The following DENND6B variants were observed in gnomAD, a reference collection of about 807,000 sequenced individuals.
DENND6B encodes the protein DENN domain containing 6B.
In DENND6B, 73 loss-of-function variants were observed where a neutral mutation model predicts 85.1. The ratio of observed to expected loss-of-function variants is 0.86; its 90% CI spans 0.71 to 1.04. DENND6B has a LOEUF of 1.04. Among genes scored for constraint, DENND6B ranks in the 50% least tolerant of loss-of-function variants. The probability of loss-of-function intolerance (pLI) is 0.00; values close to 1 mark genes in which losing one functional copy is unlikely to be tolerated. For synonymous variants in DENND6B, 357 were observed against 329.3 expected (o/e 1.08, Z -0.91); for missense variants, 715 against 785.8 (o/e 0.91, Z 1.08).
chr22:50,325,321 A>T (rs2042159922), intron 1 of DENND6B, among the ~76,000 whole-genome samples: 1 of 151,294 alleles, frequency 6.6e-6, no homozygotes, highest in Admixed American at 6.6e-5. Flanking sequence ...GTCTTAAGGA[A>T]CAGAGGAACC....
intron 9 of DENND6B, 106 bp from the exon 10 acceptor site, chr22:50,315,027 A>T: frequency 1.4e-6 from 2 of 1,475,922 alleles, no homozygotes; most frequent in Non-Finnish European, 1.8e-6. Context: ...ACTGGTGAAC[A>T]CAGCACGCTG....
intron 5 of DENND6B, chr22:50,316,769 A>G: frequency 7.5e-7 from 1 of 1,335,826 alleles, no homozygotes; most frequent in Admixed American, 2.3e-5. Context: ...CCAGGGGCTG[A>G]GCAGCTTTTA....
intron 1 of DENND6B, among the ~76,000 whole-genome samples, chr22:50,321,616 C>A (rs1033336161): frequency 1.3e-5 from 2 of 152,080 alleles, no homozygotes; most frequent in African/African-American, 4.8e-5. Context: ...CCCGCCTTGG[C>A]CTCCCAAAGT....
At chr22:50,319,167 A>G (rs2041960530) in intron 1 of DENND6B, 164 bp from the exon 2 acceptor site, 3 of 1,525,462 alleles carry the variant, frequency 2.0e-6, no homozygotes, top group South Asian at 1.2e-5. Context: ...CTGTTCCAAC[A>G]GCACGCTGCA....
At chr22:50,316,560 G>T (rs1394015279) in intron 5 of DENND6B, 85 bp from the exon 6 acceptor site, 2 of 1,546,212 alleles carry the variant, frequency 1.3e-6, no homozygotes, top group East Asian at 2.5e-5. Flanking sequence ...CCGAAGCCAC[G>T]CTCACCTGGA....
intron 3 of DENND6B, 111 bp downstream of exon 3, chr22:50,318,736 G>A: frequency 1.3e-6 from 2 of 1,484,416 alleles, no homozygotes; most frequent in Non-Finnish European, 1.8e-6. Context: ...GCTCACCCCT[G>A]TGGCACTCTG....
chr22:50,322,047 A>T (rs1226012474), intron 1 of DENND6B, among the ~76,000 whole-genome samples: 17 of 32,116 alleles, frequency 5.3e-4, no homozygotes, highest in East Asian at 1.4e-3. Context: ...AACCAATATT[A>T]AAAAAAAAAA....
In DENND6B at chr22:50,312,278, G is replaced by A. The variant is rs757994059; in HGVS notation, c.1636-17C>T. Reference sequence around the variant, plus strand: ...AGCCCGCACCTGGAGGGGCAGCCATGGTCAGGGCAGGCGCAGCTCCGTGCC... The same window carrying A: ...AGCCCGCACCTGGAGGGGCAGCCATAGTCAGGGCAGGCGCAGCTCCGTGCC... On this transcript the variant is annotated splice_polypyrimidine_tract_variant and intron_variant, in intron 19 of 19. Coordinates refer to ENST00000413817, the MANE Select transcript of DENND6B (RefSeq NM_001001794.4). The A allele has an allele frequency of 3.7e-6, 6 of 1,611,680 alleles. No homozygotes were observed. The Admixed American group carries it at 8.4e-5, about 22-fold the overall frequency.
At chr22:50,317,218 G>T (rs1006072014) in intron 5 of DENND6B, 75 bp downstream of exon 5, 11 of 1,544,070 alleles carry the variant, frequency 7.1e-6, no homozygotes, top group Non-Finnish European at 9.7e-6. Context: ...CCCCTTGCCC[G>T]CCCACAGCCC....
rs375682086 is a variant in DENND6B at position 50,314,899 on chromosome 22, G to T, written c.781C>A (p.His261Asn). The change falls in exon 10 of 20, where the codon CAT becomes AAT. Residue 261 changes from histidine (H) to asparagine (N), a missense_variant. Coordinates refer to ENST00000413817, the MANE Select transcript of DENND6B (RefSeq NM_001001794.4). The part of the protein sequence containing the change: ...LFRCFRPVLT[H>N]MQTLWELMLL... ...ATGAGCTCCCACAGTGTCTGCATATGAGTCAGCACAGGCCGGAAGCACCTG... is the reference window on the plus strand; with the variant it reads ...ATGAGCTCCCACAGTGTCTGCATATTAGTCAGCACAGGCCGGAAGCACCTG... 2.5e-6 allele frequency: 4 copies of T among 1,611,838 alleles called. No individual in the cohort carries two copies. In the African/African-American group the frequency reaches 5.3e-5, roughly 22 times the overall value.
At chr22:50,319,736 C>T (rs2041984542) in intron 1 of DENND6B, among the ~76,000 whole-genome samples, 1 of 152,240 alleles carries the variant, frequency 6.6e-6, no homozygotes, top group Non-Finnish European at 1.5e-5. Context: ...AGAAGCACCC[C>T]TGCCCCATGA....
Position 50,314,192 on chromosome 22 carries a change from G to A in DENND6B, c.1138+15C>T, listed in dbSNP as rs758339557. The A allele has an allele frequency of 4.2e-5, 67 of 1,596,614 alleles. No homozygotes were observed. The highest frequency in any genetic ancestry group is 2.2e-4 in the South Asian group (20 of 90,682). On this transcript the variant is annotated intron_variant, in intron 13 of 19. Transcript: ENST00000413817. ...CTCCACGGTGGAGGGGCTCCAGGTC[G>A]AGGGGAGCACAGACCTGGCTTGGTG... is the stretch of plus-strand genomic sequence containing the variant.
chr22:50,310,487 C>CCCCG lies in DENND6B; in HGVS notation c.*1648_*1651dup, dbSNP rs1292833257. On this transcript the variant is annotated 3_prime_UTR_variant, in exon 20 of 20. Transcript: ENST00000413817. Reference sequence around the variant, plus strand: ...AACTACCTGGCGCCCGGACACCTGACCCCGCTGTCCTTGTGGCTCAGTCAC... The same window carrying CCCCG: ...AACTACCTGGCGCCCGGACACCTGACCCCGCCCGCTGTCCTTGTGGCTCAGTCAC... The CCCCG allele has an allele frequency of 3.9e-5, 6 of 152,254 alleles. No homozygotes were observed. The highest frequency in any genetic ancestry group is 1.4e-4 in the African/African-American group (6 of 41,450). The allele number at this position is 152,254 out of a possible 1,614,324, so 9.4% of individuals were successfully genotyped here.
chr22:50,315,642 A>G, intron 9 of DENND6B, 72 bp downstream of exon 9: 1 of 1,464,826 alleles, frequency 6.8e-7, no homozygotes, highest in Admixed American at 2.1e-5. Context: ...ACAGATGCAC[A>G]CATGCACGTA....
chr22:50,326,820 C>A lies in DENND6B; in HGVS notation c.169G>T (p.Ala57Ser). The A allele has an allele frequency of 7.0e-7, 1 of 1,422,150 alleles. No homozygotes were observed. The highest frequency in any genetic ancestry group is 9.2e-7 in the Non-Finnish European group (1 of 1,092,358). The allele number at this position is 1,422,150 out of a possible 1,614,324, so 88.1% of individuals were successfully genotyped here. ...VVTFDLELGQ[A>S]LELVYPNDFR... ...CGCTCGCGCCCGCTCACCTCCAGCGCCTGGCCCAGCTCCAGGTCGAAGGTG... is the reference window on the plus strand; with the variant it reads ...CGCTCGCGCCCGCTCACCTCCAGCGACTGGCCCAGCTCCAGGTCGAAGGTG... The change falls in exon 1 of 20, where the codon GCG becomes TCG. Residue 57 changes from alanine (A) to serine (S), a missense_variant. By Grantham distance (99) the Ala-to-Ser change is moderately conservative. Coordinates refer to ENST00000413817, the MANE Select transcript of DENND6B (RefSeq NM_001001794.4).
intron 16 of DENND6B, 142 bp downstream of exon 16, chr22:50,313,304 G>GC: frequency 7.9e-7 from 1 of 1,257,938 alleles, no homozygotes; most frequent in Non-Finnish European, 1.1e-6. Context: ...CTGCCCTGTG[G>GC]CCCCCAGTTT....
At chr22:50,315,863 G>C in intron 8 of DENND6B, 94 bp from the exon 9 acceptor site, 1 of 1,483,410 alleles carries the variant, frequency 6.7e-7, no homozygotes, top group Non-Finnish European at 9.1e-7. Flanking sequence ...GGAAGGTGGA[G>C]AGCACCCAGC....
chr22:50,314,983 C>T (rs568952783), intron 9 of DENND6B, 62 bp from the exon 10 acceptor site: 11 of 1,586,014 alleles, frequency 6.9e-6, no homozygotes, highest in Admixed American at 3.4e-5. Context: ...GCTCTGGCCC[C>T]GCTCTCCCAC....
rs2041944122 is a variant in DENND6B at position 50,318,843 on chromosome 22, C to T, written c.259+4G>A. The T allele has an allele frequency of 6.2e-7, 1 of 1,613,216 alleles. No individual in the cohort carries two copies. Among genetic ancestry groups the T allele is most frequent in the Non-Finnish European group, 8.5e-7 (1 of 1,179,664 alleles). On this transcript the variant is annotated splice_donor_region_variant and intron_variant, in intron 3 of 19. Coordinates refer to ENST00000413817, the MANE Select transcript of DENND6B (RefSeq NM_001001794.4). Reference sequence around the variant, plus strand: ...CCAGCCCCAGGAAAGGTGGGGTTGCCTACCTGAGTGCGAGTCGGGAAAAGA... The same window carrying T: ...CCAGCCCCAGGAAAGGTGGGGTTGCTTACCTGAGTGCGAGTCGGGAAAAGA...
Sources: gnomAD v4.1 joint callset for allele counts (sites outside exome capture counted in the v4.1 genomes callset) on GRCh38, gnomAD v4.1.1 for gene constraint, MANE v1.5 for transcripts, NCBI Gene and HGNC (gene_info 2026-07-23, HGNC 2026-07-21) for gene names.